Variants in PRKX observed in about 807,000 individuals in gnomAD.
The protein encoded by PRKX is protein kinase cAMP-dependent X-linked catalytic subunit, also known as cAMP-dependent protein kinase catalytic subunit PRKX.
PRKX carries 12 observed loss-of-function variants against 22.0 expected under a neutral mutation model. The ratio of observed to expected loss-of-function variants is 0.54; its 90% CI spans 0.35 to 0.88. The LOEUF (loss-of-function observed/expected upper bound fraction) is 0.88, where lower values mean the gene tolerates loss of function less well. Ranked by LOEUF, PRKX falls within the 40% of genes least tolerant of loss-of-function variation. The pLI, the probability that PRKX is intolerant of heterozygous loss-of-function variation, is 0.01. For missense variants in PRKX, 217 were observed against 308.0 expected, an observed-to-expected ratio of 0.70 and a Z score of 2.21; for synonymous variants, 134 against 137.7, an observed-to-expected ratio of 0.97 and a Z score of 0.19.
At chrX:3,617,165 C>CAT (rs55698916) in intron 6 of PRKX, among the ~76,000 whole-genome samples, 188 of 108,840 alleles carry the variant, frequency 1.7e-3, no homozygotes, top group African/African-American at 5.8e-3. Flanking sequence ...TATACATACA[C>CAT]GTTAATATAT....
At chrX:3,707,672 A>G (rs1485460753) in intron 1 of PRKX, among the ~76,000 whole-genome samples, 1 of 111,010 alleles carries the variant, frequency 9.0e-6, no homozygotes, top group African/African-American at 3.4e-5. Context: ...AATTAAAAAA[A>G]TAAAATGAAA....
chrX:3,647,789 T>C (rs188798007), intron 3 of PRKX, among the ~76,000 whole-genome samples: 386 of 109,394 alleles, frequency 3.5e-3, no homozygotes, highest in Non-Finnish European at 5.2e-3. Flanking sequence ...TCCACTGACC[T>C]TCGTGTTCAA....
intron 1 of PRKX, among the ~76,000 whole-genome samples, chrX:3,686,524 C>T (rs1928181941): frequency 2.8e-5 from 3 of 107,458 alleles, no homozygotes; most frequent in Non-Finnish European, 5.8e-5. Context: ...GCGTGAGCCA[C>T]TACACCTGGC....
chrX:3,689,093 G>A (rs1928243476), intron 1 of PRKX, among the ~76,000 whole-genome samples: 1 of 111,936 alleles, frequency 8.9e-6, no homozygotes, highest in African/African-American at 3.2e-5. Context: ...ATCAACATAG[G>A]TTCAATTTAT....
chrX:3,676,347 C>A (rs1455574641), intron 1 of PRKX, among the ~76,000 whole-genome samples: 1 of 111,537 alleles, frequency 9.0e-6, no homozygotes, highest in East Asian at 2.8e-4. Flanking sequence ...GATCCATTTA[C>A]CTATCCATTC....
chrX:3,616,934 AC>A (rs1926431902), intron 6 of PRKX, among the ~76,000 whole-genome samples: 1 of 111,483 alleles, frequency 9.0e-6, no homozygotes, highest in Non-Finnish European at 1.9e-5. Context: ...TAATTTGGAT[AC>A]TAAAGGATGT....
intron 1 of PRKX, among the ~76,000 whole-genome samples, chrX:3,711,724 G>A (rs1488346497): frequency 9.0e-6 from 1 of 110,863 alleles, no homozygotes; most frequent in Non-Finnish European, 1.9e-5. Flanking sequence ...TTTCCGGGGG[G>A]ACCAAGACAA....
intron 3 of PRKX, among the ~76,000 whole-genome samples, chrX:3,647,377 ATTT>A (rs1927210265): frequency 9.4e-6 from 1 of 106,074 alleles, no homozygotes; most frequent in African/African-American, 3.3e-5. Context: ...AACTGTATCC[ATTT>A]ATTATATATT....
intron 6 of PRKX, among the ~76,000 whole-genome samples, chrX:3,617,271 T>G (rs1939283784): frequency 9.0e-6 from 1 of 110,534 alleles, no homozygotes; most frequent in Admixed American, 9.9e-5. Flanking sequence ...CTTTACACAC[T>G]TTATATGTAG....
chrX:3,634,704 CT>C (rs911894983), intron 4 of PRKX, among the ~76,000 whole-genome samples: 18 of 111,114 alleles, frequency 1.6e-4, no homozygotes, highest in African/African-American at 5.6e-4. Flanking sequence ...TGTTTTCTCT[CT>C]TTTTAGAGAC....
chrX:3,612,452 TCTTCC>T (rs1187374529), intron 7 of PRKX, 127 bp from the exon 8 acceptor site: 13 of 782,640 alleles, frequency 1.7e-5, no homozygotes, highest in Non-Finnish European at 2.2e-5. Flanking sequence ...ACTAAAGCTG[TCTTCC>T]CTTCATTTAT....
At chrX:3,648,746 T>C (rs775599942) in intron 3 of PRKX, among the ~76,000 whole-genome samples, 113 of 108,091 alleles carry the variant, frequency 1.0e-3, no homozygotes, top group African/African-American at 3.5e-3. Flanking sequence ...GTAATCAATG[T>C]AACATCTGGA....
Position 3,612,245 on chromosome X carries a change from G to A in PRKX, c.1032C>T (p.Ala344=), listed in dbSNP as rs200967884. 33 of 1,208,159 alleles carry A rather than the reference G, an allele frequency of 2.7e-5. No homozygotes were observed. Among genetic ancestry groups the A allele is most frequent in the Non-Finnish European group, 3.4e-5 (30 of 894,712 alleles). ...CTAAATCCTTCTGCGGCACGGGCGC[G>A]GCTGTGTCCCAGTCATTCTCAGGGT... ...ETYPENDWDT[A]APVPQKDLEI... is the part of the protein sequence containing the mutation. Residue 344 remains alanine (A), a synonymous_variant, in exon 8 of 9, where the codon GCC becomes GCT. Transcript: ENST00000262848.
In PRKX at chrX:3,613,873, AAAAAAAAGAAG is replaced by A. The variant is rs1448349419; in HGVS notation, c.952-1559_952-1549del. Among the ~76,000 whole-genome samples the A allele has an allele frequency of 2.9e-5, 3 of 102,833 alleles. No individual in the cohort carries two copies. The East Asian group carries it at 9.6e-4, about 33-fold the overall frequency. 89.3% of individuals were successfully genotyped at this position (102,833 alleles called of 115,157 possible). ...CCATCTCAAAAAAAAAAAAAAAAAA[AAAAAAAAGAAG>A]CGTATCATCCCAGGCTCCAGCCCCA... On this transcript the variant is annotated intron_variant, in intron 7 of 8. Transcript: ENST00000262848.
At chrX:3,686,112 G>A (rs1359757396) in intron 1 of PRKX, among the ~76,000 whole-genome samples, 7 of 111,509 alleles carry the variant, frequency 6.3e-5, no homozygotes, top group African/African-American at 9.8e-5. Flanking sequence ...CTTATTCTGC[G>A]TGGCACTGAA....
chrX:3,698,504 C>CT (rs1383078653), intron 1 of PRKX, among the ~76,000 whole-genome samples: 2 of 110,085 alleles, frequency 1.8e-5, no homozygotes, highest in African/African-American at 6.7e-5. Context: ...TAGGTTTTCA[C>CT]TTTTTGTTGT....
chrX:3,684,349 T>A (rs778415805), intron 1 of PRKX, among the ~76,000 whole-genome samples: 1 of 112,149 alleles, frequency 8.9e-6, no homozygotes, highest in Admixed American at 9.5e-5. Flanking sequence ...GTCTCAATCT[T>A]TCCCTCTATC....
intron 4 of PRKX, among the ~76,000 whole-genome samples, chrX:3,639,995 G>A (rs1487379942): frequency 9.0e-6 from 1 of 111,380 alleles, no homozygotes; most frequent in Admixed American, 9.6e-5. Flanking sequence ...TTCCAGGCAG[G>A]AGAATGCCTC....
chrX:3,684,236 A>G (rs1037398762), intron 1 of PRKX, among the ~76,000 whole-genome samples: 1 of 112,352 alleles, frequency 8.9e-6, no homozygotes, highest in African/African-American at 3.2e-5. Context: ...TGGGCAACAG[A>G]GCGAGACTCC....
Sources: gnomAD v4.1 joint callset for allele counts (sites outside exome capture counted in the v4.1 genomes callset) on GRCh38, gnomAD v4.1.1 for gene constraint, MANE v1.5 for transcripts, NCBI Gene and HGNC (gene_info 2026-07-23, HGNC 2026-07-21) for gene names.